CERS6: variants seen among roughly 807,000 people sequenced by gnomAD.
CERS6 encodes ceramide synthase 6.
CERS6 carries 26 observed loss-of-function variants against 56.8 expected under a neutral mutation model. That is an observed-to-expected ratio of 0.46 (90% CI 0.34 to 0.63). The LOEUF (loss-of-function observed/expected upper bound fraction) is 0.63, where lower values mean the gene tolerates loss of function less well. Among genes scored for constraint, CERS6 ranks in the 30% least tolerant of loss-of-function variants. The pLI is 0.01. For synonymous variants in CERS6, 164 were observed against 173.3 expected (o/e 0.95, Z 0.42); for missense variants, 415 against 467.5 (o/e 0.89, Z 1.04).
intron 4 of CERS6, among the ~76,000 whole-genome samples, chr2:168,671,303 G>C (rs1011506901): frequency 8.5e-5 from 13 of 152,142 alleles, no homozygotes; most frequent in African/African-American, 3.1e-4. Context: ...GAATACTTTA[G>C]GGACTTAATT....
At chr2:168,539,711 T>C (rs908950711) in intron 1 of CERS6, among the ~76,000 whole-genome samples, 2 of 152,242 alleles carry the variant, frequency 1.3e-5, no homozygotes, top group Admixed American at 1.3e-4. Flanking sequence ...ACTCTGATGC[T>C]AGCCACGGCA....
intron 1 of CERS6, among the ~76,000 whole-genome samples, chr2:168,529,147 T>G (rs1234885795): frequency 6.6e-6 from 1 of 152,236 alleles, no homozygotes. Flanking sequence ...TTTGTTGATG[T>G]TGAGAATCAA....
chr2:168,693,968 G>T (rs1386124532), intron 5 of CERS6, among the ~76,000 whole-genome samples: 1 of 152,116 alleles, frequency 6.6e-6, no homozygotes, highest in Non-Finnish European at 1.5e-5. Flanking sequence ...GTGAGTGCCA[G>T]CTTCTCCTGA....
At chr2:168,727,252 T>TAA (rs35364154) in intron 8 of CERS6, among the ~76,000 whole-genome samples, 6 of 150,988 alleles carry the variant, frequency 4.0e-5, no homozygotes, top group Non-Finnish European at 7.4e-5. Flanking sequence ...TTTCTACAAT[T>TAA]AAAAAAAAAC....
At chr2:168,629,339 C>A (rs1445555236) in intron 3 of CERS6, among the ~76,000 whole-genome samples, 1 of 151,972 alleles carries the variant, frequency 6.6e-6, no homozygotes, top group Non-Finnish European at 1.5e-5. Context: ...ATTCATTTGC[C>A]TCCAGGGGCC....
chr2:168,582,624 C>T (rs987743770), intron 3 of CERS6, among the ~76,000 whole-genome samples: 1 of 151,976 alleles, frequency 6.6e-6, no homozygotes, highest in Non-Finnish European at 1.5e-5. Context: ...TGTGGTCAGT[C>T]AGGATTTTGA....
intron 6 of CERS6, among the ~76,000 whole-genome samples, chr2:168,700,129 G>T (rs1686768639): frequency 6.6e-6 from 1 of 152,324 alleles, no homozygotes; most frequent in East Asian, 1.9e-4. Context: ...TCTTATAAAA[G>T]ATTCCTGACA....
intron 3 of CERS6, among the ~76,000 whole-genome samples, chr2:168,564,671 C>G (rs537849071): frequency 2.0e-5 from 3 of 152,194 alleles, no homozygotes; most frequent in African/African-American, 7.2e-5. Flanking sequence ...TATGGTGTTC[C>G]AGGCCAGGAA....
chr2:168,548,069 G>T (rs1443084581), intron 2 of CERS6, among the ~76,000 whole-genome samples: 2 of 152,082 alleles, frequency 1.3e-5, no homozygotes, highest in African/African-American at 4.8e-5. Context: ...TGATTTATGT[G>T]TGTGCGAAAA....
intron 8 of CERS6, among the ~76,000 whole-genome samples, chr2:168,754,379 T>C (rs947542388): frequency 2.0e-5 from 3 of 152,174 alleles, no homozygotes; most frequent in Admixed American, 6.5e-5. Flanking sequence ...TTTTCAGAAA[T>C]TTTTTCAGAT....
intron 1 of CERS6, among the ~76,000 whole-genome samples, chr2:168,530,994 T>C (rs1434300601): frequency 6.6e-6 from 1 of 152,172 alleles, no homozygotes; most frequent in East Asian, 1.9e-4. Context: ...AAGGGTCTTT[T>C]CCACTTTTAA....
chr2:168,589,843 A>G (rs1214716241), intron 3 of CERS6, among the ~76,000 whole-genome samples: 1 of 152,238 alleles, frequency 6.6e-6, no homozygotes, highest in African/African-American at 2.4e-5. Context: ...TTCAAGGAAC[A>G]TTCTTATGTG....
chr2:168,550,575 C>A (rs191916445), intron 2 of CERS6, among the ~76,000 whole-genome samples: 42 of 152,302 alleles, frequency 2.8e-4, no homozygotes, highest in African/African-American at 9.9e-4. Flanking sequence ...GGGGGCCCCA[C>A]CCTGTGACTT....
At chr2:168,600,714 C>G (rs1170580321) in intron 3 of CERS6, among the ~76,000 whole-genome samples, 3 of 152,166 alleles carry the variant, frequency 2.0e-5, no homozygotes, top group Admixed American at 1.3e-4. Context: ...CATCTCATTT[C>G]TTGACTGGAG....
intron 3 of CERS6, among the ~76,000 whole-genome samples, chr2:168,596,944 G>A (rs900234123): frequency 2.0e-5 from 3 of 152,154 alleles, no homozygotes; most frequent in Non-Finnish European, 2.9e-5. Context: ...TTTTATTGTA[G>A]CAAAAGTGCA....
At chr2:168,709,211 T>C (rs1216271260) in intron 6 of CERS6, among the ~76,000 whole-genome samples, 1 of 152,186 alleles carries the variant, frequency 6.6e-6, no homozygotes, top group Non-Finnish European at 1.5e-5. Context: ...GCTGGAATTT[T>C]ACCTGTACCC....
intron 1 of CERS6, among the ~76,000 whole-genome samples, chr2:168,525,772 A>G (rs1695060987): frequency 6.6e-6 from 1 of 152,228 alleles, no homozygotes; most frequent in South Asian, 2.1e-4. Flanking sequence ...CACCATCATT[A>G]CTAGCATTTT....
At chr2:168,749,765 A>C (rs1018005028) in intron 8 of CERS6, among the ~76,000 whole-genome samples, 22 of 152,212 alleles carry the variant, frequency 1.4e-4, no homozygotes, top group African/African-American at 5.3e-4. Flanking sequence ...AGTGAGGCTT[A>C]GTCCACAAGG....
chr2:168,758,198 A>G (rs752638060), intron 8 of CERS6, among the ~76,000 whole-genome samples: 7 of 152,244 alleles, frequency 4.6e-5, no homozygotes, highest in Non-Finnish European at 1.0e-4. Context: ...CATCCATGCC[A>G]GAGAAACGCA....
Sources: allele counts gnomAD v4.1 joint callset (sites outside exome capture counted in the v4.1 genomes callset), GRCh38; gene constraint gnomAD v4.1.1; transcripts MANE v1.5; gene names NCBI Gene and HGNC (gene_info 2026-07-23, HGNC 2026-07-21).